Variants in ANKRD11 observed in about 807,000 individuals in gnomAD.
ANKRD11 encodes the protein ankyrin repeat domain 11, also known as ankyrin repeat domain-containing protein 11.
ANKRD11 carries 17 observed loss-of-function variants against 195.7 expected under a neutral mutation model. The ratio of observed to expected loss-of-function variants is 0.09; its 90% CI spans 0.06 to 0.13. The LOEUF (loss-of-function observed/expected upper bound fraction) is 0.13, where lower values mean the gene tolerates loss of function less well. Ranked by LOEUF, ANKRD11 falls within the 10% of genes least tolerant of loss-of-function variation. ANKRD11 has a pLI of 1.00. For missense variants in ANKRD11, 3,735 were observed against 3,566.1 expected (o/e 1.05, Z -1.21); for synonymous variants, 1,953 against 1,528.1 (o/e 1.28, Z -6.49).
chr16:89,405,641 T>A (rs1474511947), intron 2 of ANKRD11, among the ~76,000 whole-genome samples: 2 of 151,978 alleles, frequency 1.3e-5, no homozygotes, highest in Non-Finnish European at 2.9e-5. Context: ...GCTTTCTAGG[T>A]AACTTTCCTA....
chr16:89,437,858 A>T (rs1380851279), intron 1 of ANKRD11, among the ~76,000 whole-genome samples: 2 of 152,156 alleles, frequency 1.3e-5, no homozygotes, highest in Non-Finnish European at 2.9e-5. Context: ...TCAATCTCCT[A>T]TGGGTCAGTG....
intron 2 of ANKRD11, among the ~76,000 whole-genome samples, chr16:89,411,850 T>C (rs897171870): frequency 6.6e-6 from 1 of 152,206 alleles, no homozygotes; most frequent in African/African-American, 2.4e-5. Context: ...AGGAATCCAA[T>C]GGCCAGTAAC....
chr16:89,454,084 C>T (rs950231509), intron 1 of ANKRD11, among the ~76,000 whole-genome samples: 10 of 152,186 alleles, frequency 6.6e-5, no homozygotes, highest in African/African-American at 2.4e-4. Flanking sequence ...ATGACATACA[C>T]TCTAAACTCA....
At chr16:89,427,655 T>C (rs899559237) in intron 1 of ANKRD11, among the ~76,000 whole-genome samples, 2 of 151,366 alleles carry the variant, frequency 1.3e-5, no homozygotes, top group Non-Finnish European at 2.9e-5. Flanking sequence ...AAAAATTAGC[T>C]GGGTGTGGTG....
At position 89,280,261 on chromosome 16, in the gene ANKRD11, G is replaced by A. The variant is rs760856747; in HGVS notation, c.6281C>T (p.Ala2094Val). The change falls in exon 9 of 13, where the codon GCT (alanine) becomes GTT (valine). Residue 2094 changes from alanine (A) to valine (V), a missense_variant. By Grantham distance (64) the Ala-to-Val change is moderately conservative (BLOSUM62 0). Coordinates refer to ENST00000301030, the MANE Select transcript of ANKRD11 (RefSeq NM_013275.6). ...ACVAAVAQVEALGPLENSFLD... is the reference protein window; with the variant it reads ...ACVAAVAQVEVLGPLENSFLD... ...GAAGCTATTTTCCAGGGGCCCCAGAGCCTCCACCTGAGCCACAGCGGCTAC... is the reference window on the plus strand; with the variant it reads ...GAAGCTATTTTCCAGGGGCCCCAGAACCTCCACCTGAGCCACAGCGGCTAC... The A allele has an allele frequency of 1.2e-6, 2 of 1,608,938 alleles. No homozygotes were observed. The highest frequency in any genetic ancestry group is 1.1e-5 in the South Asian group (1 of 91,004).
intron 2 of ANKRD11, among the ~76,000 whole-genome samples, chr16:89,346,270 A>AG (rs2038935996): frequency 1.3e-5 from 2 of 150,682 alleles, no homozygotes; most frequent in South Asian, 4.2e-4. Context: ...AAAAAAAAAA[A>AG]GAATCAACAC....
intron 3 of ANKRD11, among the ~76,000 whole-genome samples, 161 bp downstream of exon 3, chr16:89,316,772 A>T (rs554457066): frequency 6.6e-6 from 1 of 152,224 alleles, no homozygotes; most frequent in Non-Finnish European, 1.5e-5. Flanking sequence ...CCACTTTGGG[A>T]AAGATCACTC....
At chr16:89,365,566 G>A (rs1016630788) in intron 2 of ANKRD11, among the ~76,000 whole-genome samples, 9 of 152,178 alleles carry the variant, frequency 5.9e-5, no homozygotes, top group African/African-American at 2.2e-4. Flanking sequence ...ATATTTCCAA[G>A]CTCTTATGTC....
chr16:89,448,574 A>T (rs1357669947), intron 1 of ANKRD11, among the ~76,000 whole-genome samples: 2 of 152,254 alleles, frequency 1.3e-5, no homozygotes, highest in East Asian at 3.8e-4. Flanking sequence ...GAAACTAAAA[A>T]TTGAAGTATT....
intron 4 of ANKRD11, among the ~76,000 whole-genome samples, chr16:89,303,779 TTGC>T: frequency 6.6e-6 from 1 of 152,324 alleles, no homozygotes; most frequent in East Asian, 1.9e-4. Flanking sequence ...AGGCTGAAGC[TTGC>T]TGAGCTGTGC....
intron 2 of ANKRD11, chr16:89,321,358 G>C (rs999169648): frequency 6.6e-6 from 1 of 151,656 alleles, no homozygotes; most frequent in Non-Finnish European, 1.5e-5. Context: ...GGACAACCCT[G>C]AGACACCTGT....
At chr16:89,410,130 C>T (rs1028981235) in intron 2 of ANKRD11, among the ~76,000 whole-genome samples, 41 of 152,164 alleles carry the variant, frequency 2.7e-4, no homozygotes, top group African/African-American at 9.7e-4. Context: ...TGAGCCACCG[C>T]GTCCAGCCTC....
intron 2 of ANKRD11, among the ~76,000 whole-genome samples, chr16:89,364,957 T>C (rs2039885016): frequency 1.3e-5 from 2 of 152,224 alleles, no homozygotes; most frequent in Admixed American, 6.5e-5. Flanking sequence ...AACAACACTA[T>C]GTTAATTTTC....
In ANKRD11 at chr16:89,270,624, G is replaced by A. The variant is rs2033060725; in HGVS notation, c.7806+193C>T. On this transcript the variant is annotated intron_variant, in intron 12 of 12. Coordinates refer to ENST00000301030, the MANE Select transcript of ANKRD11 (RefSeq NM_013275.6). ...CCGGGACAGAAGGGAAGACTGAGGA[G>A]GCCACACGCAGGGACAGGACCTCAC... 5 of 641,132 alleles carry A rather than the reference G, an allele frequency of 7.8e-6. No homozygotes were observed. The East Asian group carries it at 1.4e-4, about 18-fold the overall frequency. The allele number at this position is 641,132 out of a possible 1,614,324, so 39.7% of individuals were successfully genotyped here.
At chr16:89,447,871 C>A (rs2152309130) in intron 1 of ANKRD11, among the ~76,000 whole-genome samples, 1 of 148,262 alleles carries the variant, frequency 6.7e-6, no homozygotes, top group Admixed American at 6.8e-5. Flanking sequence ...CTGGCACAAT[C>A]TCAGCTCACT....
At chr16:89,323,544 G>GAGGGCAGGGGGGCAGAGCCC (rs2037489648) in intron 2 of ANKRD11, among the ~76,000 whole-genome samples, 5 of 24,402 alleles carry the variant, frequency 2.0e-4, no homozygotes, top group East Asian at 9.5e-4. Flanking sequence ...GGGCTGAGCC[G>GAGGGCAGGGGGGCAGAGCCC]AGGGCAGGGG....
At chr16:89,330,663 G>C (rs1246037644) in intron 2 of ANKRD11, among the ~76,000 whole-genome samples, 3 of 41,450 alleles carry the variant, frequency 7.2e-5, no homozygotes, top group South Asian at 1.6e-3. Context: ...TGACTGGGGG[G>C]GGGGGGGGGG....
rs60431652 is a variant in ANKRD11, at chr16:89,291,642, A to T, written c.227-459T>A. The T allele has an allele frequency of 0.037, 47,576 of 1,274,704 alleles. 1,099 individuals carry two copies. Among genetic ancestry groups the T allele is most frequent in the East Asian group, 0.067 (1,205 of 17,994 alleles). The allele number at this position is 1,274,704 out of a possible 1,614,324, so 79.0% of individuals were successfully genotyped here. On this transcript the variant is annotated intron_variant, in intron 4 of 12. Transcript: ENST00000301030. The surrounding 1 kb of genome is among the most constrained non-coding windows in gnomAD (Gnocchi z 5.3). Reference sequence around the variant, plus strand: ...TATAAAATGGCAGACACAGTTTAAAACACATCAGTAAATCAAGGCCAACTG... The same window carrying T: ...TATAAAATGGCAGACACAGTTTAAATCACATCAGTAAATCAAGGCCAACTG...
chr16:89,350,420 G>C (rs1418837889), intron 2 of ANKRD11, among the ~76,000 whole-genome samples: 1 of 152,116 alleles, frequency 6.6e-6, no homozygotes, highest in African/African-American at 2.4e-5. Flanking sequence ...CAACGGACAT[G>C]TCTATAACTG....
Sources: gnomAD v4.1 joint callset for allele counts (sites outside exome capture counted in the v4.1 genomes callset) on GRCh38, gnomAD v4.1.1 for gene constraint, Gnocchi (gnomAD v3.1) non-coding constraint, MANE v1.5 for transcripts, NCBI Gene and HGNC (gene_info 2026-07-23, HGNC 2026-07-21) for gene names.